The following CAPN5 variants were observed in gnomAD, a reference collection of about 807,000 sequenced individuals.
The protein encoded by CAPN5 is calpain 5, also known as calpain-5.
Under a neutral mutation model 73.0 loss-of-function variants are expected in CAPN5, and 54 were observed. The ratio of observed to expected loss-of-function variants is 0.74; its 90% confidence interval spans 0.59 to 0.93. The LOEUF (loss-of-function observed/expected upper bound fraction) is 0.93. Among genes scored for constraint, CAPN5 ranks in the 40% least tolerant of loss-of-function variants. The pLI is 0.00. For missense variants in CAPN5, 785 were observed against 882.9 expected, an observed-to-expected ratio of 0.89 and a Z score of 1.41; for synonymous variants, 335 against 356.9, an observed-to-expected ratio of 0.94 and a Z score of 0.69.
chr11:77,086,345 T>C (rs541192821), intron 2 of CAPN5, among the ~76,000 whole-genome samples: 26 of 152,110 alleles, frequency 1.7e-4, no homozygotes, highest in Non-Finnish European at 3.4e-4. Flanking sequence ...GACTCTTGAG[T>C]GGCAGAGAAA....
chr11:77,084,852 G>A lies in CAPN5; in HGVS notation c.-35G>A, dbSNP rs1555035142. 1 of 1,613,534 alleles carries A rather than the reference G, an allele frequency of 6.2e-7. No homozygotes were observed. The highest frequency in any genetic ancestry group is 8.5e-7 in the Non-Finnish European group (1 of 1,179,886). On this transcript the variant is annotated splice_region_variant and 5_prime_UTR_variant, in exon 2 of 13. It adds an upstream start codon to the 5' untranslated region. Transcript: ENST00000648180. ...ACCGTCTTCTTGCCTTCCTGTCCAG[G>A]TGTTCCCCCTCCCCTCCCTGGGGCA...
At chr11:77,087,809 T>A in intron 2 of CAPN5, 2 of 1,242,350 alleles carry the variant, frequency 1.6e-6, no homozygotes. Context: ...TAGAGCCACC[T>A]TGGTTGGGAC....
In CAPN5 at chr11:77,123,976, C is replaced by T. The variant is rs1020937576; in HGVS notation, c.*106C>T. 5.7e-5 allele frequency: 59 copies of T among 1,037,106 alleles called. No individual in the cohort carries two copies. Among genetic ancestry groups the T allele is most frequent in the Admixed American group, 1.8e-4 (8 of 44,904 alleles). 64.2% of individuals were successfully genotyped at this position (1,037,106 alleles called of 1,614,324 possible). ...AGGATACTGGGGTCCTTTTCCCACT[C>T]TTCCACTGACTTGCTGTGTGACCTT... is the stretch of plus-strand genomic sequence containing the variant. On this transcript the variant is annotated 3_prime_UTR_variant, in exon 13 of 13. Coordinates refer to ENST00000648180, the MANE Select transcript of CAPN5 (RefSeq NM_004055.5).
intron 1 of CAPN5, among the ~76,000 whole-genome samples, chr11:77,078,721 A>G (rs1211085643): frequency 6.6e-6 from 1 of 152,134 alleles, no homozygotes; most frequent in Non-Finnish European, 1.5e-5. Flanking sequence ...ACATATCTGT[A>G]TCTTTCCATT....
chr11:77,098,335 C>G (rs1325747852), intron 3 of CAPN5, among the ~76,000 whole-genome samples: 1 of 106,654 alleles, frequency 9.4e-6, no homozygotes, highest in Admixed American at 8.8e-5. Context: ...GGCTGACCCC[C>G]CCACCTCCCT....
chr11:77,105,140 T>A (rs1358132648), intron 3 of CAPN5, among the ~76,000 whole-genome samples: 2 of 151,566 alleles, frequency 1.3e-5, no homozygotes, highest in African/African-American at 4.9e-5. Context: ...CCCCAGCCTA[T>A]CTGTCCCGGG....
At chr11:77,095,565 A>C (rs782714341) in intron 3 of CAPN5, among the ~76,000 whole-genome samples, 2 of 152,066 alleles carry the variant, frequency 1.3e-5, no homozygotes, top group African/African-American at 2.4e-5. Flanking sequence ...CTCCTTTCCA[A>C]ATTGTTGGAC....
At chr11:77,086,483 C>G (rs1555035563) in intron 2 of CAPN5, among the ~76,000 whole-genome samples, 2 of 152,192 alleles carry the variant, frequency 1.3e-5, no homozygotes, top group African/African-American at 4.8e-5. Context: ...GTGCCCTTGA[C>G]CTCAGTCCCA....
At chr11:77,118,437 C>T (rs1296847252) in intron 8 of CAPN5, 85 bp downstream of exon 8, 5 of 1,180,858 alleles carry the variant, frequency 4.2e-6, no homozygotes, top group Non-Finnish European at 5.9e-6. Flanking sequence ...CCTGCATGAC[C>T]TTGGGTAATC....
rs57331406 is a variant in CAPN5 at position 77,096,359 on chromosome 11, A to C, written c.297+2546A>C. ...TCTCCTGCTAGCTGTTTTCGTCCTC[A>C]GTGTAAATTGACCTTTCCAGTGCCC... On this transcript the variant is annotated intron_variant, in intron 3 of 12. Transcript: ENST00000648180. Among the ~76,000 whole-genome samples, 8 of 152,274 alleles carry C rather than the reference A, an allele frequency of 5.3e-5. No individual in the cohort carries two copies. The East Asian group carries it at 1.5e-3, about 29-fold the overall frequency.
intron 8 of CAPN5, 32 bp from the exon 9 acceptor site, chr11:77,118,998 G>T (rs1008903100): frequency 4.2e-5 from 67 of 1,591,084 alleles, no homozygotes; most frequent in Non-Finnish European, 5.7e-5. Flanking sequence ...TCTCATTGCA[G>T]TGTCTCTCTC....
At chr11:77,077,760 C>A (rs1368047993) in intron 1 of CAPN5, among the ~76,000 whole-genome samples, 1 of 152,168 alleles carries the variant, frequency 6.6e-6, no homozygotes, top group Non-Finnish European at 1.5e-5. Flanking sequence ...GGTGATCCAC[C>A]TGCCTCGGCC....
chr11:77,073,040 C>T (rs1370064600), intron 1 of CAPN5: 13 of 1,280,474 alleles, frequency 1.0e-5, no homozygotes, highest in South Asian at 3.7e-5. Flanking sequence ...CACCCCACCC[C>T]GGGTGAGAGA....
intron 1 of CAPN5, among the ~76,000 whole-genome samples, chr11:77,069,957 A>G (rs61902101): frequency 0.76 from 115,856 of 151,650 alleles, 45,037 homozygotes; most frequent in African/African-American, 0.92. Context: ...TCACTTGCCT[A>G]TGAACTCAGG....
rs554313245 is a variant in CAPN5 at position 77,073,371 on chromosome 11, G to A, written c.-36+6277G>A. Among the ~76,000 whole-genome samples the A allele has an allele frequency of 7.6e-4, 116 of 152,156 alleles. 1 individual carries two copies. The highest frequency in any genetic ancestry group is 2.5e-3 in the African/African-American group (104 of 41,498). ...TTTCAGAAGCTCCTCTCCCTTGGCC[G>A]CTTGCTTACAGATGCTGCTTACAAC... On this transcript the variant is annotated intron_variant, in intron 1 of 12. Transcript: ENST00000648180.
chr11:77,085,896 CA>C (rs1209889114), intron 2 of CAPN5, among the ~76,000 whole-genome samples: 1 of 152,178 alleles, frequency 6.6e-6, no homozygotes, highest in Non-Finnish European at 1.5e-5. Context: ...CGTCCCCTCA[CA>C]ATGCGGGAGA....
chr11:77,110,235 G>A (rs552587964), intron 3 of CAPN5, among the ~76,000 whole-genome samples: 1 of 151,878 alleles, frequency 6.6e-6, no homozygotes, highest in East Asian at 1.9e-4. Flanking sequence ...TTACAGGCAC[G>A]CACCACCACG....
chr11:77,103,202 C>T (rs782518243), intron 3 of CAPN5: 20 of 1,613,626 alleles, frequency 1.2e-5, no homozygotes, highest in South Asian at 8.8e-5. Context: ...ATGAGGCCGA[C>T]GCCCTGGAGT....
At chr11:77,093,500 C>T (rs1555036877) in intron 2 of CAPN5, among the ~76,000 whole-genome samples, 182 bp from the exon 3 acceptor site, 1 of 152,140 alleles carries the variant, frequency 6.6e-6, no homozygotes, top group African/African-American at 2.4e-5. Flanking sequence ...GGGTGGGGGG[C>T]AAGCGGGGAG....
Sources: allele counts gnomAD v4.1 joint callset (sites outside exome capture counted in the v4.1 genomes callset), GRCh38; gene constraint gnomAD v4.1.1; transcripts MANE v1.5; gene names NCBI Gene and HGNC (gene_info 2026-07-23, HGNC 2026-07-21).